The following PLD3 variants were observed in gnomAD, a reference collection of about 807,000 sequenced individuals.
PLD3 encodes the protein phospholipase D family member 3.
Under a neutral mutation model 58.4 loss-of-function variants are expected in PLD3, and 31 were observed. The observed-to-expected ratio is 0.53, with a 90% CI of 0.40 to 0.72. The LOEUF (loss-of-function observed/expected upper bound fraction) is 0.72, where lower values mean the gene tolerates loss of function less well. Among genes scored for constraint, PLD3 ranks in the 30% least tolerant of loss-of-function variants. The probability of loss-of-function intolerance (pLI) is 0.00; values close to 1 mark genes in which losing one functional copy is unlikely to be tolerated. For synonymous variants in PLD3, 264 were observed against 273.4 expected, an observed-to-expected ratio of 0.97 and a Z score of 0.34; for missense variants, 595 against 659.8, an observed-to-expected ratio of 0.90 and a Z score of 1.08.
At chr19:40,366,356 C>T (rs896876415) in intron 2 of PLD3, 63 bp from the exon 3 acceptor site, 3 of 821,138 alleles carry the variant, frequency 3.7e-6, no homozygotes, top group Non-Finnish European at 6.5e-6. Context: ...AATCACTCTT[C>T]TGTGATGTCT....
Position 40,374,748 on chromosome 19 carries a change from GAC to G in PLD3, c.1019+130_1019+131del, listed in dbSNP as rs1418045915. 1.3e-5 allele frequency: 13 copies of G among 1,017,466 alleles called. No homozygotes were observed. In the East Asian group the frequency reaches 2.4e-4, roughly 19 times the overall value. 63.0% of individuals were successfully genotyped at this position (1,017,466 alleles called of 1,614,324 possible). ...AGATGGAAGAGAAGCTGCAGGGAGA[GAC>G]AGTCACCAGGAGGTGACCGGAAGAA... On this transcript the variant is annotated intron_variant, in intron 10 of 12. Coordinates refer to ENST00000409735, the MANE Select transcript of PLD3 (RefSeq NM_012268.4).
At chr19:40,349,540 C>A (rs1016442056) in intron 1 of PLD3, among the ~76,000 whole-genome samples, 1 of 152,212 alleles carries the variant, frequency 6.6e-6, no homozygotes, top group Non-Finnish European at 1.5e-5. Flanking sequence ...CCTTTCCAAT[C>A]CCAGCTTCAT....
At chr19:40,351,283 C>T (rs2078508913) in intron 1 of PLD3, among the ~76,000 whole-genome samples, 1 of 151,798 alleles carries the variant, frequency 6.6e-6, no homozygotes, top group Non-Finnish European at 1.5e-5. Flanking sequence ...GTGGCTCATG[C>T]CTATAATCCC....
chr19:40,367,603 T>A, intron 5 of PLD3, 93 bp from the exon 6 acceptor site: 2 of 1,061,732 alleles, frequency 1.9e-6, no homozygotes, highest in East Asian at 2.5e-5. Flanking sequence ...AAATACAGTC[T>A]ATCCAACACA....
intron 9 of PLD3, among the ~76,000 whole-genome samples, chr19:40,373,173 G>A (rs955239024): frequency 2.6e-5 from 4 of 152,230 alleles, no homozygotes; most frequent in Non-Finnish European, 4.4e-5. Flanking sequence ...ACGTAGGGAA[G>A]TGTGACTCAT....
At chr19:40,371,582 A>C in intron 8 of PLD3, 91 bp from the exon 9 acceptor site, 5 of 784,234 alleles carry the variant, frequency 6.4e-6, no homozygotes, top group Non-Finnish European at 1.1e-5. Context: ...ACTGTGGGAC[A>C]GGGGGAAAGA....
At chr19:40,376,947 G>A (rs1352610340) in intron 11 of PLD3, among the ~76,000 whole-genome samples, 173 bp downstream of exon 11, 8 of 150,886 alleles carry the variant, frequency 5.3e-5, no homozygotes, top group African/African-American at 1.7e-4. Context: ...GGCCAGGACC[G>A]GGATGAGGGG....
chr19:40,371,971 C>G (rs914806097), intron 9 of PLD3, 98 bp downstream of exon 9: 210 of 983,542 alleles, frequency 2.1e-4, no homozygotes, highest in Non-Finnish European at 3.2e-4. Context: ...GAGGGCGTAT[C>G]CTGACCATCA....
chr19:40,354,684 C>T (rs1467134331), intron 1 of PLD3, among the ~76,000 whole-genome samples: 1 of 151,978 alleles, frequency 6.6e-6, no homozygotes, highest in Non-Finnish European at 1.5e-5. Flanking sequence ...TACCACCACG[C>T]CCTGCTAATT....
chr19:40,372,271 G>A (rs1414498930), intron 9 of PLD3, among the ~76,000 whole-genome samples: 1 of 152,114 alleles, frequency 6.6e-6, no homozygotes, highest in Non-Finnish European at 1.5e-5. Context: ...AGGATCACTT[G>A]AGGCCAGGAG....
At chr19:40,354,889 G>C (rs539672777) in intron 1 of PLD3, among the ~76,000 whole-genome samples, 2 of 152,088 alleles carry the variant, frequency 1.3e-5, no homozygotes, top group South Asian at 4.2e-4. Context: ...CCAGGCTACA[G>C]TGCAGTGGCA....
chr19:40,373,987 A>G (rs1177875163), intron 9 of PLD3, among the ~76,000 whole-genome samples: 1 of 142,942 alleles, frequency 7.0e-6, no homozygotes, highest in African/African-American at 2.6e-5. Context: ...GCAAGACTCC[A>G]TCTCAAAAAA....
At chr19:40,356,084 G>A (rs549385778) in intron 1 of PLD3, 2 of 152,706 alleles carry the variant, frequency 1.3e-5, no homozygotes, top group East Asian at 1.9e-4. Context: ...GCTTCATGGA[G>A]GAGGTGGTAT....
chr19:40,367,687 A>G lies in PLD3; in HGVS notation c.246-9A>G, dbSNP rs1038451003. On this transcript the variant is annotated splice_polypyrimidine_tract_variant and intron_variant, in intron 5 of 12. Transcript: ENST00000409735. ...CACCGTATGGCTGATAGCATCCCCC[A>G]CCCCCCAGAGCAGTGCTGGTGGAAA... The G allele has an allele frequency of 1.3e-6, 2 of 1,592,318 alleles. No homozygotes were observed. The highest frequency in any genetic ancestry group is 1.7e-4 in the Middle Eastern group (1 of 5,974).
In PLD3 at chr19:40,367,691, C is replaced by T. The variant is rs200368701; in HGVS notation, c.246-5C>T. On this transcript the variant is annotated splice_polypyrimidine_tract_variant and splice_region_variant and intron_variant, in intron 5 of 12. Coordinates refer to ENST00000409735, the MANE Select transcript of PLD3 (RefSeq NM_012268.4). ...GTATGGCTGATAGCATCCCCCACCC[C>T]CCAGAGCAGTGCTGGTGGAAAGCAT... is the stretch of plus-strand genomic sequence containing the variant. 4 of 1,604,172 alleles carry T rather than the reference C, an allele frequency of 2.5e-6. No homozygotes were observed. Among genetic ancestry groups the T allele is most frequent in the East Asian group, 2.2e-5 (1 of 44,600 alleles).
At chr19:40,368,924 C>A (rs2078996198) in intron 6 of PLD3, among the ~76,000 whole-genome samples, 2 of 150,664 alleles carry the variant, frequency 1.3e-5, no homozygotes, top group South Asian at 4.2e-4. Flanking sequence ...GACCCTGTCT[C>A]AAAAAAAAGA....
chr19:40,371,954 T>C, intron 9 of PLD3, 81 bp downstream of exon 9: 3 of 1,182,900 alleles, frequency 2.5e-6, no homozygotes, highest in Admixed American at 1.7e-5. Context: ...TGTTTGGTGA[T>C]GACAGGGAGG....
rs1437453452 is a variant in PLD3, at chr19:40,350,792, TG to T, written c.-279+2029del. ...TTATGGACTGTGTACTACACTCTAGTGGGGGTAAGAGGCAATGGGTAAATAG... is the reference window on the plus strand; with the variant it reads ...TTATGGACTGTGTACTACACTCTAGTGGGGTAAGAGGCAATGGGTAAATAG... On this transcript the variant is annotated intron_variant, in intron 1 of 12. Transcript: ENST00000409735. Among the ~76,000 whole-genome samples the T allele has an allele frequency of 4.7e-5, 7 of 149,114 alleles. No homozygotes were observed. In the Admixed American group the frequency reaches 4.7e-4, roughly 10 times the overall value.
Position 40,371,779 on chromosome 19 carries a change from C to T in PLD3, c.785C>T (p.Pro262Leu), listed in dbSNP as rs1365263023. ...CTGGGCCAGGCAGGCAGCTCCATCC[C>T]ATCAACTTGGCCCCGGTTCTATGAC... is the stretch of plus-strand genomic sequence containing the variant. ...WFLGQAGSSI[P>L]STWPRFYDTR... Residue 262 changes from proline to leucine, a missense_variant, in exon 9 of 13, where the codon CCA becomes CTA. Pro to Leu is a moderately conservative substitution (Grantham distance 98). Coordinates refer to ENST00000409735, the MANE Select transcript of PLD3 (RefSeq NM_012268.4). 1.2e-6 allele frequency: 2 copies of T among 1,614,080 alleles called. No homozygotes were observed. Among genetic ancestry groups the T allele is most frequent in the Non-Finnish European group, 1.7e-6 (2 of 1,179,984 alleles).
Sources: allele counts gnomAD v4.1 joint callset (sites outside exome capture counted in the v4.1 genomes callset), GRCh38; gene constraint gnomAD v4.1.1; transcripts MANE v1.5; gene names NCBI Gene and HGNC (gene_info 2026-07-23, HGNC 2026-07-21).